DLC1: variants seen among roughly 807,000 people sequenced by gnomAD.
The protein encoded by DLC1 is DLC1 Rho GTPase activating protein, also known as rho GTPase-activating protein 7.
DLC1 carries 54 observed loss-of-function variants against 140.3 expected under a neutral mutation model. The ratio of observed to expected loss-of-function variants is 0.38; its 90% CI spans 0.31 to 0.48. DLC1 has a LOEUF of 0.48. DLC1 is among the 20% of genes least tolerant of loss of function. The probability of loss-of-function intolerance (pLI) is 0.96; values close to 1 mark genes in which losing one functional copy is unlikely to be tolerated. For synonymous variants in DLC1, 986 were observed against 728.1 expected (o/e 1.35, Z -5.70); for missense variants, 2,536 against 1,907.0 (o/e 1.33, Z -6.14).
At chr8:13,177,789 C>A (rs1825832663) in intron 5 of DLC1, among the ~76,000 whole-genome samples, 1 of 152,078 alleles carries the variant, frequency 6.6e-6, no homozygotes, top group Admixed American at 6.5e-5. Flanking sequence ...CAGTGCTACA[C>A]CTGGACAGAA....
chr8:13,582,022 C>T (rs893118065), intron 1 of DLC1, among the ~76,000 whole-genome samples: 3 of 152,040 alleles, frequency 2.0e-5, no homozygotes, highest in African/African-American at 7.2e-5. Flanking sequence ...AAGTTCTAGT[C>T]CCATGGGGTC....
intron 1 of DLC1, among the ~76,000 whole-genome samples, chr8:13,590,016 A>G (rs1805463881): frequency 6.6e-6 from 1 of 150,866 alleles, no homozygotes; most frequent in South Asian, 2.1e-4. Context: ...GCATTATTTT[A>G]AAATGTTATG....
chr8:13,575,352 G>T (rs1053266530), intron 1 of DLC1, among the ~76,000 whole-genome samples: 4 of 152,064 alleles, frequency 2.6e-5, no homozygotes, highest in Non-Finnish European at 5.9e-5. Flanking sequence ...TAGGAGGGGG[G>T]TACGAGAGGC....
Position 13,379,374 on chromosome 8 carries a change from C to G in DLC1, c.1314+14179G>C, listed in dbSNP as rs534224593. On this transcript the variant is annotated intron_variant, in intron 4 of 17. Coordinates refer to ENST00000276297, the MANE Select transcript of DLC1 (RefSeq NM_182643.3). ...TGTAAGTTGAAAAAAAATCTTAAGT[C>G]AAAAATGCACTTAATACACCTAACC... Among the ~76,000 whole-genome samples the G allele has an allele frequency of 9.2e-5, 14 of 152,222 alleles. No individual in the cohort carries two copies. The East Asian group carries it at 2.7e-3, about 29-fold the overall frequency.
intron 5 of DLC1, among the ~76,000 whole-genome samples, chr8:13,273,686 C>CTGTG (rs59265902): frequency 0.051 from 3,197 of 62,486 alleles, 143 homozygotes; most frequent in African/African-American, 0.055. Context: ...AGAACTGTGC[C>CTGTG]TGTGTGTGTG....
chr8:13,230,710 C>A (rs916467810), intron 5 of DLC1, among the ~76,000 whole-genome samples: 1 of 151,364 alleles, frequency 6.6e-6, no homozygotes, highest in African/African-American at 2.4e-5. Context: ...AATTCTCCTG[C>A]CTCAGCCTCT....
At chr8:13,147,234 C>T (rs1169648463) in intron 5 of DLC1, among the ~76,000 whole-genome samples, 2 of 152,160 alleles carry the variant, frequency 1.3e-5, no homozygotes, top group African/African-American at 4.8e-5. Context: ...CGAGGGATCT[C>T]ACCCAAAACT....
chr8:13,145,609 G>GA (rs1320777744), intron 5 of DLC1, among the ~76,000 whole-genome samples: 2 of 152,070 alleles, frequency 1.3e-5, no homozygotes, highest in Non-Finnish European at 2.9e-5. Flanking sequence ...GGAAAAACTG[G>GA]AAATAATCCA....
chr8:13,358,051 A>G (rs1835030649), intron 4 of DLC1, among the ~76,000 whole-genome samples: 2 of 152,214 alleles, frequency 1.3e-5, no homozygotes, highest in Non-Finnish European at 2.9e-5. Flanking sequence ...TCTTCAAAAG[A>G]GATGAAAATT....
chr8:13,324,417 A>G (rs1420568446), intron 4 of DLC1, among the ~76,000 whole-genome samples: 1 of 151,754 alleles, frequency 6.6e-6, no homozygotes, highest in African/African-American at 2.4e-5. Context: ...AAATACAAAA[A>G]CTTAGCTGGG....
At chr8:13,595,394 A>G (rs563358291) in intron 1 of DLC1, among the ~76,000 whole-genome samples, 11 of 152,218 alleles carry the variant, frequency 7.2e-5, no homozygotes, top group Admixed American at 7.2e-4. Context: ...AATAATAGTT[A>G]TGCAAACAGA....
Position 13,499,553 on chromosome 8 carries a change from T to C in DLC1, c.519A>G (p.Ala173=), listed in dbSNP as rs370787087. ...SWGIAGETEL[A]LVKESGERKV... Reference sequence around the variant, plus strand: ...TTCTCTCCCCACTTTCTTTTACCAGTGCTAATTCAGTTTCACCAGCTATTC... The same window carrying C: ...TTCTCTCCCCACTTTCTTTTACCAGCGCTAATTCAGTTTCACCAGCTATTC... The change falls in exon 2 of 18, where the codon GCA becomes GCG. Residue 173 remains alanine, a synonymous_variant. Coordinates refer to ENST00000276297, the MANE Select transcript of DLC1 (RefSeq NM_182643.3). The C allele has an allele frequency of 5.0e-6, 8 of 1,614,070 alleles. No homozygotes were observed. In the African/African-American group the frequency reaches 1.1e-4, roughly 22 times the overall value.
chr8:13,275,829 C>G (rs1196411985), intron 5 of DLC1, among the ~76,000 whole-genome samples: 1 of 152,202 alleles, frequency 6.6e-6, no homozygotes, highest in Non-Finnish European at 1.5e-5. Flanking sequence ...ACCTGCCAGG[C>G]CCCTCTCCTG....
chr8:13,534,396 C>T (rs1368123672), intron 1 of DLC1, among the ~76,000 whole-genome samples: 3 of 152,068 alleles, frequency 2.0e-5, no homozygotes, highest in African/African-American at 7.2e-5. Context: ...AACTGTAATT[C>T]AATAGAAGGC....
At chr8:13,433,263 A>C (rs1838969546) in intron 2 of DLC1, among the ~76,000 whole-genome samples, 1 of 152,176 alleles carries the variant, frequency 6.6e-6, no homozygotes, top group Non-Finnish European at 1.5e-5. Flanking sequence ...TTTGATAAAA[A>C]TGGCGAGGCT....
chr8:13,383,090 G>A (rs1329613355), intron 4 of DLC1, among the ~76,000 whole-genome samples: 1 of 152,158 alleles, frequency 6.6e-6, no homozygotes, highest in Non-Finnish European at 1.5e-5. Flanking sequence ...AACAAGATGA[G>A]AAATCATCTC....
At chr8:13,212,781 CA>C (rs1828008737) in intron 5 of DLC1, among the ~76,000 whole-genome samples, 1 of 152,072 alleles carries the variant, frequency 6.6e-6, no homozygotes, top group Non-Finnish European at 1.5e-5. Context: ...ATATGTAAAG[CA>C]TTTTCAATAT....
chr8:13,142,261 G>T (rs1206693316), intron 5 of DLC1, among the ~76,000 whole-genome samples: 1 of 152,196 alleles, frequency 6.6e-6, no homozygotes, highest in Non-Finnish European at 1.5e-5. Flanking sequence ...GCAGTGTGAA[G>T]AACGGACTAA....
intron 4 of DLC1, among the ~76,000 whole-genome samples, chr8:13,343,934 G>T (rs1053248143): frequency 1.3e-5 from 2 of 151,878 alleles, no homozygotes; most frequent in Non-Finnish European, 2.9e-5. Context: ...AGTTGCTTAA[G>T]TTTCCAGAAT....
Sources: allele counts gnomAD v4.1 joint callset (sites outside exome capture counted in the v4.1 genomes callset), GRCh38; gene constraint gnomAD v4.1.1; transcripts MANE v1.5; gene names NCBI Gene and HGNC (gene_info 2026-07-23, HGNC 2026-07-21).